The following LIN52 variants were observed in gnomAD, a reference collection of about 807,000 sequenced individuals.
LIN52 encodes the protein lin-52 DREAM MuvB core complex component.
In LIN52, 4 loss-of-function variants were observed where a neutral mutation model predicts 18.5. The ratio of observed to expected loss-of-function variants is 0.22; its 90% CI spans 0.11 to 0.49. The LOEUF (loss-of-function observed/expected upper bound fraction) is 0.49, where lower values mean the gene tolerates loss of function less well. LIN52 is among the 20% of genes least tolerant of loss of function. The pLI is 0.97. For synonymous variants in LIN52, 34 were observed against 45.5 expected (o/e 0.75, Z 1.02); for missense variants, 102 against 139.5 (o/e 0.73, Z 1.35).
intron 5 of LIN52, among the ~76,000 whole-genome samples, chr14:74,163,672 G>A (rs976252760): frequency 6.6e-6 from 1 of 152,090 alleles, no homozygotes; most frequent in African/African-American, 2.4e-5. Context: ...GAACAAGAGA[G>A]ATGACAACAG....
At chr14:74,154,861 TCTG>T (rs1428151165) in intron 5 of LIN52, among the ~76,000 whole-genome samples, 1 of 152,204 alleles carries the variant, frequency 6.6e-6, no homozygotes, top group Non-Finnish European at 1.5e-5. Context: ...TGGTTTTAAC[TCTG>T]CTAAGAATTA....
chr14:74,138,196 A>AT (rs1727042525), intron 5 of LIN52, among the ~76,000 whole-genome samples: 2 of 152,222 alleles, frequency 1.3e-5, no homozygotes, highest in Non-Finnish European at 2.9e-5. Context: ...TGTTCCGCAC[A>AT]TTCAGAAAAC....
intron 5 of LIN52, among the ~76,000 whole-genome samples, chr14:74,197,144 G>A (rs148672136): frequency 6.6e-6 from 1 of 152,280 alleles, no homozygotes; most frequent in East Asian, 1.9e-4. Flanking sequence ...AGCACTGAGG[G>A]CCACTAACTA....
rs181445192 is a variant in LIN52, at chr14:74,129,406, G to A, written c.283+28168G>A. On this transcript the variant is annotated intron_variant, in intron 5 of 5. Coordinates refer to ENST00000555028, the MANE Select transcript of LIN52 (RefSeq NM_001024674.3). ...TTTGAAGGCATAGCACTTAGAATAT[G>A]GATGTGTTGGCTTTAGATTGGAAGA... 8.9e-4 allele frequency among the ~76,000 whole-genome samples: 136 copies of A among 152,302 alleles called. 1 individual carries two copies. Among genetic ancestry groups the A allele is most frequent in the African/African-American group, 3.2e-3 (132 of 41,562 alleles).
chr14:74,093,786 C>T (rs1380478603), intron 2 of LIN52, among the ~76,000 whole-genome samples: 2 of 152,052 alleles, frequency 1.3e-5, no homozygotes, highest in South Asian at 2.1e-4. Flanking sequence ...GCTAACATGG[C>T]GAAACCCCGT....
At chr14:74,162,718 CTAAT>C (rs1225020011) in intron 5 of LIN52, among the ~76,000 whole-genome samples, 1 of 151,942 alleles carries the variant, frequency 6.6e-6, no homozygotes, top group Non-Finnish European at 1.5e-5. Context: ...TCATGTATGA[CTAAT>C]TTTCTCTTCT....
At chr14:74,138,769 C>CAAAAA (rs35627946) in intron 5 of LIN52, among the ~76,000 whole-genome samples, 1 of 113,872 alleles carries the variant, frequency 8.8e-6, no homozygotes, top group African/African-American at 3.4e-5. Flanking sequence ...GACCCTGCCT[C>CAAAAA]AAAAAAAAAA....
At chr14:74,097,713 C>T (rs950252424) in intron 3 of LIN52, 81 bp from the exon 4 acceptor site, 1 of 1,070,714 alleles carries the variant, frequency 9.3e-7, no homozygotes, top group African/African-American at 1.6e-5. Flanking sequence ...CCGCATCCGG[C>T]CCAGGCTACA....
chr14:74,148,806 A>T (rs1257691434), intron 5 of LIN52, among the ~76,000 whole-genome samples: 5 of 152,198 alleles, frequency 3.3e-5, no homozygotes, highest in African/African-American at 1.2e-4. Context: ...GGGGCGAAGT[A>T]ACTTTACATC....
At chr14:74,167,550 G>T (rs2061254956) in intron 5 of LIN52, among the ~76,000 whole-genome samples, 1 of 152,154 alleles carries the variant, frequency 6.6e-6, no homozygotes, top group Non-Finnish European at 1.5e-5. Context: ...ACAGGTGTGA[G>T]CCACCATGCC....
intron 1 of LIN52, among the ~76,000 whole-genome samples, chr14:74,088,214 T>C (rs1446946706): frequency 2.0e-5 from 3 of 152,058 alleles, no homozygotes; most frequent in African/African-American, 7.2e-5. Context: ...CATCAGCCTC[T>C]CCAGTAGCTG....
chr14:74,117,484 C>CG lies in LIN52; in HGVS notation c.283+16253dup, dbSNP rs759144259. ...ATGGACCTGGATTTCTTTTTTTTGG[C>CG]GGGGGGGCTTTGAAAGTAGTTTTTG... On this transcript the variant is annotated intron_variant, in intron 5 of 5. Transcript: ENST00000555028. 4.1e-3 allele frequency among the ~76,000 whole-genome samples: 615 copies of CG among 148,572 alleles called. 4 individuals are homozygous for CG. The highest frequency in any genetic ancestry group is 0.012 in the East Asian group (62 of 5,132).
intron 5 of LIN52, among the ~76,000 whole-genome samples, chr14:74,151,252 AT>A (rs964478936): frequency 2.0e-5 from 3 of 152,142 alleles, no homozygotes; most frequent in African/African-American, 7.2e-5. Context: ...ACATTTTATT[AT>A]TTTTTTCCAT....
intron 5 of LIN52, among the ~76,000 whole-genome samples, chr14:74,161,427 C>G (rs1176441491): frequency 1.3e-5 from 2 of 152,210 alleles, no homozygotes; most frequent in Admixed American, 1.3e-4. Flanking sequence ...CTCAGGTGAT[C>G]CACCCTCCTT....
rs2061116618 is a variant in LIN52 at position 74,139,432 on chromosome 14, A to G, written c.283+38194A>G. On this transcript the variant is annotated intron_variant, in intron 5 of 5. Transcript: ENST00000555028. ...AATTAGTGATTTTACAGGTGCATGT[A>G]TGGACTTAGTGATCTTGTTTTCTTT... Among the ~76,000 whole-genome samples, 2 of 152,214 alleles carry G rather than the reference A, an allele frequency of 1.3e-5. 1 individual carries two copies. Among genetic ancestry groups the G allele is most frequent in the South Asian group, 4.1e-4 (2 of 4,834 alleles).
intron 5 of LIN52, among the ~76,000 whole-genome samples, chr14:74,189,615 G>A (rs940595680): frequency 2.0e-5 from 3 of 152,182 alleles, no homozygotes; most frequent in Admixed American, 6.5e-5. Context: ...TTAAAAGAGG[G>A]CAGAGCAAGG....
chr14:74,187,018 A>G (rs2139591443), intron 5 of LIN52, among the ~76,000 whole-genome samples: 1 of 152,320 alleles, frequency 6.6e-6, no homozygotes, highest in African/African-American at 2.4e-5. Flanking sequence ...TAGAGGTTGC[A>G]GTGAGCCAAG....
At chr14:74,109,353 G>C (rs912337967) in intron 5 of LIN52, among the ~76,000 whole-genome samples, 5 of 152,314 alleles carry the variant, frequency 3.3e-5, no homozygotes, top group Middle Eastern at 3.4e-3. Flanking sequence ...ACATGGTGAT[G>C]TGCACCCATA....
At position 74,125,919 on chromosome 14, in the gene LIN52, A is replaced by C. The variant is rs552465419; in HGVS notation, c.283+24681A>C. Among the ~76,000 whole-genome samples the C allele has an allele frequency of 4.0e-5, 6 of 150,844 alleles. No individual in the cohort carries two copies. In the East Asian group the frequency reaches 1.2e-3, roughly 30 times the overall value. ...GGGGGGAGGGGGGAGGGATAGTATT[A>C]GGAGATATACCTAATGTTAAATGAT... On this transcript the variant is annotated intron_variant, in intron 5 of 5. Coordinates refer to ENST00000555028, the MANE Select transcript of LIN52 (RefSeq NM_001024674.3).
Sources: gnomAD v4.1 joint callset for allele counts (sites outside exome capture counted in the v4.1 genomes callset) on GRCh38, gnomAD v4.1.1 for gene constraint, MANE v1.5 for transcripts, NCBI Gene and HGNC (gene_info 2026-07-23, HGNC 2026-07-21) for gene names.